LAMB2: variants seen among roughly 807,000 people sequenced by gnomAD.
LAMB2 encodes laminin subunit beta 2.
A neutral mutation model predicts 202.7 loss-of-function variants in LAMB2; 119 were observed. That is an observed-to-expected ratio of 0.59 (90% CI 0.51 to 0.68). The LOEUF (loss-of-function observed/expected upper bound fraction) is 0.68. Among genes scored for constraint, LAMB2 ranks in the 30% least tolerant of loss-of-function variants. LAMB2 has a pLI of 0.00. For missense variants in LAMB2, 2,124 were observed against 2,410.6 expected (o/e 0.88, Z 2.49); for synonymous variants, 818 against 902.2 (o/e 0.91, Z 1.67).
chr3:49,132,457 C>T lies in LAMB2; in HGVS notation c.249+34G>A, dbSNP rs2045492137. ...TGCCTCAGGCAGTGCCAGCCCCACCCTGACTCGGCGTCACACCCTGTCCCC... is the reference window on the plus strand; with the variant it reads ...TGCCTCAGGCAGTGCCAGCCCCACCTTGACTCGGCGTCACACCCTGTCCCC... On this transcript the variant is annotated intron_variant, in intron 2 of 31. Transcript: ENST00000305544. The surrounding 1 kb of genome is among the most constrained non-coding windows in gnomAD (Gnocchi z 4.6). The T allele has an allele frequency of 4.3e-6, 7 of 1,614,158 alleles. No individual in the cohort carries two copies. Among genetic ancestry groups the T allele is most frequent in the Non-Finnish European group, 5.9e-6 (7 of 1,180,004 alleles).
rs2045465660 is a variant in LAMB2, at chr3:49,130,172, G to C, written c.1225+59C>G. Reference sequence around the variant, plus strand: ...TTCCTGCAATTTAGACAGCAGTCCAGCTCTCTAGTTCCTGCCCCAGGCTCA... The same window carrying C: ...TTCCTGCAATTTAGACAGCAGTCCACCTCTCTAGTTCCTGCCCCAGGCTCA... On this transcript the variant is annotated intron_variant, in intron 9 of 31. Coordinates refer to ENST00000305544, the MANE Select transcript of LAMB2 (RefSeq NM_002292.4). This position sits in a 1 kb window ranked among gnomAD's most constrained non-coding sequence, Gnocchi z 5.0. 2.5e-6 allele frequency: 4 copies of C among 1,601,882 alleles called. No individual in the cohort carries two copies. Among genetic ancestry groups the C allele is most frequent in the Non-Finnish European group, 3.4e-6 (4 of 1,171,444 alleles).
chr3:49,124,608 G>A lies in LAMB2; in HGVS notation c.3114C>T (p.Cys1038=). 6.2e-7 allele frequency: 1 copy of A among 1,613,654 alleles called. No homozygotes were observed. Among genetic ancestry groups the A allele is most frequent in the African/African-American group, 1.3e-5 (1 of 75,058 alleles). Residue 1038 remains cysteine (C), a synonymous_variant, in exon 22 of 32, where the codon TGC becomes TGT. Transcript: ENST00000305544. ...GATTTGTGCCCAGCAGGTTGCATGT[G>A]CAGCCTGTGCCAACCAAGATGAGCA... ...GQAARQSCHR[C]TCNLLGTNPQ...
Position 49,131,960 on chromosome 3 carries a change from T to C in LAMB2, c.459+156A>G, listed in dbSNP as rs2045486536. Among the ~76,000 whole-genome samples the C allele has an allele frequency of 6.6e-6, 1 of 152,022 alleles. No homozygotes were observed. Among genetic ancestry groups the C allele is most frequent in the Non-Finnish European group, 1.5e-5 (1 of 67,980 alleles). ...CTGGGATTGGAAAGGCAGAAGAGCATGTGCAAAGGCCTGGAGGCAAATGGA... is the reference window on the plus strand; with the variant it reads ...CTGGGATTGGAAAGGCAGAAGAGCACGTGCAAAGGCCTGGAGGCAAATGGA... On this transcript the variant is annotated intron_variant, in intron 4 of 31. Transcript: ENST00000305544. The surrounding 1 kb of genome is among the most constrained non-coding windows in gnomAD (Gnocchi z 5.0).
In LAMB2 at chr3:49,129,700, T is replaced by G. The variant is rs201408584; in HGVS notation, c.1422A>C (p.Ala474=). 5.9e-5 allele frequency: 95 copies of G among 1,613,966 alleles called. 1 individual carries two copies. The East Asian group carries it at 1.2e-3, about 21-fold the overall frequency. ...GAGTGCTCCCAGGCACTGTGCCCCG[T>G]GCATTACATTGACATCCTGCAGGGA... The part of the protein sequence containing the change: ...RLGCRRCQCN[A]RGTVPGSTPC... The change falls in exon 11 of 32, where the codon GCA becomes GCC. Residue 474 remains alanine, a synonymous_variant. Transcript: ENST00000305544. The surrounding 1 kb of genome is among the most constrained non-coding windows in gnomAD (Gnocchi z 6.1).
rs2045205960 is a variant in LAMB2 at position 49,121,135 on chromosome 3, TG to T, written c.*90del. On this transcript the variant is annotated 3_prime_UTR_variant, in exon 32 of 32. Coordinates refer to ENST00000305544, the MANE Select transcript of LAMB2 (RefSeq NM_002292.4). Reference sequence around the variant, plus strand: ...ACAGTGGGGGTTCACACTGGTTTATTGGGGGCCCTGCCGGGCCAAGAGCTCT... The same window carrying T: ...ACAGTGGGGGTTCACACTGGTTTATTGGGGCCCTGCCGGGCCAAGAGCTCT... 4 of 1,497,294 alleles carry T rather than the reference TG, an allele frequency of 2.7e-6. No individual in the cohort carries two copies. In the East Asian group the frequency reaches 9.1e-5, roughly 34 times the overall value. The allele number at this position is 1,497,294 out of a possible 1,614,324, so 92.8% of individuals were successfully genotyped here. A position where few individuals can be genotyped will look rare whatever the true frequency, so the allele number is the denominator to read the frequency against.
At position 49,132,406 on chromosome 3, in the gene LAMB2, C is replaced by T. The variant is rs758321437; in HGVS notation, c.250-1G>A. On this transcript the variant is annotated splice_acceptor_variant, in intron 2 of 31. Coordinates refer to ENST00000305544, the MANE Select transcript of LAMB2 (RefSeq NM_002292.4). LOFTEE classifies it high-confidence loss of function. This position sits in a 1 kb window ranked among gnomAD's most constrained non-coding sequence, Gnocchi z 4.6. ...CACAAAGGAAGCACTTCTTTTCGTC[C>T]TGGGTTGGATGGGGATTAGAATCAG... The T allele has an allele frequency of 6.2e-7, 1 of 1,614,238 alleles. No homozygotes were observed. The highest frequency in any genetic ancestry group is 8.5e-7 in the Non-Finnish European group (1 of 1,180,042).
chr3:49,127,791 C>T (rs548681531), intron 15 of LAMB2, among the ~76,000 whole-genome samples: 85 of 148,220 alleles, frequency 5.7e-4, no homozygotes, highest in Admixed American at 9.4e-4. Context: ...GAGGCCAAGG[C>T]GGGCAGATCA....
chr3:49,122,640 GA>G (rs1198652488), intron 27 of LAMB2, 63 bp downstream of exon 27: 1 of 1,333,662 alleles, frequency 7.5e-7, no homozygotes, highest in Non-Finnish European at 1.1e-6. Flanking sequence ...AACCAAGGGA[GA>G]TACAGACACC....
rs778281473 is a variant in LAMB2, at chr3:49,122,169, C to T, written c.4775G>A (p.Arg1592Gln). 25 of 1,613,474 alleles carry T rather than the reference C, an allele frequency of 1.5e-5. No individual in the cohort carries two copies. Among genetic ancestry groups the T allele is most frequent in the East Asian group, 4.5e-5 (2 of 44,894 alleles). ...RAEQLLQDAR[R>Q]ARSWAEDEKQ... ...GCCAGGGATGGGGTCAGACCTTGCC[C>T]GCCGTGCATCCTGCAGTAGCTGCTC... Residue 1592 changes from arginine to glutamine, a missense_variant, in exon 28 of 32, where the codon CGG (arginine) becomes CAG (glutamine). Arg to Gln is a conservative substitution (Grantham distance 43). This residue lies in a region of LAMB2 where 1,702 missense variants were observed against 1,896.3 expected (regional missense o/e 0.90). Transcript: ENST00000305544.
chr3:49,128,542 G>A lies in LAMB2; in HGVS notation c.1934C>T (p.Pro645Leu). Residue 645 changes from proline (P) to leucine (L), a missense_variant, in exon 15 of 32, where the codon CCA becomes CTA. Physicochemically the swap from Pro to Leu is moderately conservative, Grantham distance 98. Transcript: ENST00000305544. ...CAGGCTGTGGGCAGGCACAGGCCCTGGACGCTGCACAATCAGTTCCAACTC... is the reference window on the plus strand; with the variant it reads ...CAGGCTGTGGGCAGGCACAGGCCCTAGACGCTGCACAATCAGTTCCAACTC... The part of the protein sequence containing the change: ...WAELELIVQR[P>L]GPVPAHSLCG... 1 of 1,614,194 alleles carries A rather than the reference G, an allele frequency of 6.2e-7. No individual in the cohort carries two copies. The highest frequency in any genetic ancestry group is 1.7e-5 in the Admixed American group (1 of 60,024).
At position 49,125,484 on chromosome 3, in the gene LAMB2, G is replaced by T; in HGVS notation, c.2489C>A (p.Ala830Asp). 6.3e-7 allele frequency: 1 copy of T among 1,588,070 alleles called. No individual in the cohort carries two copies. The highest frequency in any genetic ancestry group is 1.1e-5 in the South Asian group (1 of 88,862). ...TGCCCCCTCGTGGCTGCACTGGCAG[G>T]CTAGGAGCAAGGCAGAGCTGAGCCA... ...YYGFGPTGCQ[A>D]CQCSHEGALS... The change falls in exon 19 of 32, where the codon GCC becomes GAC. Residue 830 changes from alanine (A) to aspartate (D), a missense_variant and splice_region_variant. Physicochemically the swap from Ala to Asp is moderately radical, Grantham distance 126. Around this residue, in one of 3 missense-constraint regions of LAMB2, gnomAD observed 1,702 missense variants for 1,896.3 expected, o/e 0.90. Coordinates refer to ENST00000305544, the MANE Select transcript of LAMB2 (RefSeq NM_002292.4).
In LAMB2 at chr3:49,121,463, C is replaced by A; in HGVS notation, c.5230G>T (p.Ala1744Ser). The A allele has an allele frequency of 6.2e-7, 1 of 1,614,080 alleles. No homozygotes were observed. Among genetic ancestry groups the A allele is most frequent in the Non-Finnish European group, 8.5e-7 (1 of 1,180,054 alleles). ...LRDEARDLLQ[A>S]AQDKLQRLQE... ...AGCCGCTGCAGCTTGTCCTGAGCGGCTTGCAACAGGTCCCGAGCCTCATCC... is the reference window on the plus strand; with the variant it reads ...AGCCGCTGCAGCTTGTCCTGAGCGGATTGCAACAGGTCCCGAGCCTCATCC... Residue 1744 changes from alanine (A) to serine (S), a missense_variant, in exon 31 of 32, where the codon GCC (alanine) becomes TCC (serine). Coordinates refer to ENST00000305544, the MANE Select transcript of LAMB2 (RefSeq NM_002292.4).
Position 49,129,381 on chromosome 3 carries a change from C to A in LAMB2, c.1519-57G>T. 4 of 1,493,708 alleles carry A rather than the reference C, an allele frequency of 2.7e-6. No homozygotes were observed. Among genetic ancestry groups the A allele is most frequent in the East Asian group, 2.3e-5 (1 of 43,850 alleles). The allele number at this position is 1,493,708 out of a possible 1,614,324, so 92.5% of individuals were successfully genotyped here. ...CAGACCTCCAGACCCCATCACCACC[C>A]AGCAGGAAATCCCAACCACACGTCT... is the stretch of plus-strand genomic sequence containing the variant. On this transcript the variant is annotated intron_variant, in intron 11 of 31. Coordinates refer to ENST00000305544, the MANE Select transcript of LAMB2 (RefSeq NM_002292.4). This position sits in a 1 kb window ranked among gnomAD's most constrained non-coding sequence, Gnocchi z 6.1.
In LAMB2 at chr3:49,122,298, G is replaced by T. The variant is rs969888248; in HGVS notation, c.4646C>A (p.Ala1549Asp). ...ACCCGCCAGGTGCTGGATCTGCTCA[G>T]CTGAAGCTGGGATGGAGAGCTCTAG... ...RVLELSIPAS[A>D]EQIQHLAGAI... is the part of the protein sequence containing the mutation. Residue 1549 changes from alanine (A) to aspartate (D), a missense_variant, in exon 28 of 32, where the codon GCT becomes GAT. By Grantham distance (126) the Ala-to-Asp change is moderately radical. This residue lies in a region of LAMB2 where 1,702 missense variants were observed against 1,896.3 expected (regional missense o/e 0.90). Transcript: ENST00000305544. 2 of 1,613,476 alleles carry T rather than the reference G, an allele frequency of 1.2e-6. No individual in the cohort carries two copies. Among genetic ancestry groups the T allele is most frequent in the African/African-American group, 1.3e-5 (1 of 74,934 alleles).
In LAMB2 at chr3:49,124,384, G is replaced by A. The variant is rs752868120; in HGVS notation, c.3327+11C>T. On this transcript the variant is annotated intron_variant, in intron 22 of 31. Coordinates refer to ENST00000305544, the MANE Select transcript of LAMB2 (RefSeq NM_002292.4). The stretch of plus-strand genomic sequence containing the variant: ...CCCATCTAACCAGGGATCTGCAGGA[G>A]GGTCCCATACCTCGTTGCAGGTGGG... 1 of 1,613,158 alleles carries A rather than the reference G, an allele frequency of 6.2e-7. No homozygotes were observed. Among genetic ancestry groups the A allele is most frequent in the Non-Finnish European group, 8.5e-7 (1 of 1,179,538 alleles).
In LAMB2 at chr3:49,122,992, G is replaced by A. The variant is rs1437058719; in HGVS notation, c.4285C>T (p.Arg1429Ter). Residue 1429 changes from arginine (R) to a stop codon, truncating the protein, a stop_gained, in exon 27 of 32, where the codon CGA becomes TGA. Transcript: ENST00000305544. LOFTEE classifies it high-confidence loss of function. ...CAGCGCGGCTGCCCATCCTCATCTC[G>A]ACAGCCGGCACCCCCACAAGGGCTT... Reference protein sequence around the residue: ...ATSPCGGAGCRDEDGQPRCGG... With the variant: ...ATSPCGGAGC The A allele has an allele frequency of 6.8e-6, 11 of 1,608,642 alleles. No individual in the cohort carries two copies. The highest frequency in any genetic ancestry group is 1.1e-5 in the South Asian group (1 of 91,084).
chr3:49,122,569 T>C lies in LAMB2; in HGVS notation c.4573+135A>G, dbSNP rs1328265821. The C allele has an allele frequency of 6.3e-6, 6 of 959,594 alleles. No homozygotes were observed. In the East Asian group the frequency reaches 1.2e-4, roughly 19 times the overall value. 59.4% of individuals were successfully genotyped at this position (959,594 alleles called of 1,614,324 possible). ...CCTGGGACCACATATGGGCAATAAC[T>C]CAGGAGCCAGTCAAGGGATCATAAA... On this transcript the variant is annotated intron_variant, in intron 27 of 31. Transcript: ENST00000305544.
intron 15 of LAMB2, 151 bp from the exon 16 acceptor site, chr3:49,126,648 G>T: frequency 1.1e-6 from 1 of 919,404 alleles, no homozygotes; most frequent in Non-Finnish European, 1.7e-6. Context: ...CCAACAAACA[G>T]CTGGGCAGCC....
In LAMB2 at chr3:49,123,993, G is replaced by A. The variant is rs765125796; in HGVS notation, c.3532C>T (p.Arg1178Cys). 1.2e-5 allele frequency: 20 copies of A among 1,613,292 alleles called. No individual in the cohort carries two copies. Among genetic ancestry groups the A allele is most frequent in the Middle Eastern group, 1.6e-4 (1 of 6,084 alleles). ...GCAGGAAAGATTCCTGAGAAGCCAC[G>A]GGCACACTGGTCACAGCGCACACCA... ...VSGVRCDQCA[R>C]GFSGIFPACH... Residue 1178 changes from arginine (R) to cysteine (C), a missense_variant, in exon 24 of 32, where the codon CGT becomes TGT. Physicochemically the swap from Arg to Cys is radical, Grantham distance 180. Coordinates refer to ENST00000305544, the MANE Select transcript of LAMB2 (RefSeq NM_002292.4).
Sources: gnomAD v4.1 joint callset for allele counts (sites outside exome capture counted in the v4.1 genomes callset) on GRCh38, gnomAD v4.1.1 for gene constraint, gnomAD v4.1.1 regional missense constraint, Gnocchi (gnomAD v3.1) non-coding constraint, MANE v1.5 for transcripts, NCBI Gene and HGNC (gene_info 2026-07-23, HGNC 2026-07-21) for gene names.